TBC1D30: variants seen among roughly 807,000 people sequenced by gnomAD.
TBC1D30 encodes the protein TBC1 domain family member 30.
Under a neutral mutation model 63.2 loss-of-function variants are expected in TBC1D30, and 31 were observed. That is an observed-to-expected ratio of 0.49 (90% CI 0.37 to 0.66). TBC1D30 has a LOEUF of 0.66. TBC1D30 is among the 30% of genes least tolerant of loss of function. TBC1D30 has a pLI of 0.00. For missense variants in TBC1D30, 810 were observed against 953.6 expected (o/e 0.85, Z 1.98); for synonymous variants, 307 against 361.5 (o/e 0.85, Z 1.71).
intron 8 of TBC1D30, among the ~76,000 whole-genome samples, chr12:64,855,923 G>A (rs1210379874): frequency 6.6e-6 from 1 of 152,146 alleles, no homozygotes; most frequent in Non-Finnish European, 1.5e-5. Flanking sequence ...GCTTGTTTGT[G>A]CCTATCCTTC....
chr12:64,790,444 G>C (rs1178419773), intron 2 of TBC1D30, among the ~76,000 whole-genome samples: 1 of 152,104 alleles, frequency 6.6e-6, no homozygotes, highest in East Asian at 1.9e-4. Flanking sequence ...GCATTGTATA[G>C]TTTTGCTATT....
chr12:64,843,978 T>C (rs1429611927), intron 8 of TBC1D30, among the ~76,000 whole-genome samples: 4 of 152,058 alleles, frequency 2.6e-5, no homozygotes, highest in East Asian at 1.9e-4. Context: ...TATTTTTGTA[T>C]AGATGGAGTC....
At chr12:64,865,902 A>C (rs1455535302) in intron 9 of TBC1D30, among the ~76,000 whole-genome samples, 1 of 152,176 alleles carries the variant, frequency 6.6e-6, no homozygotes, top group Non-Finnish European at 1.5e-5. Flanking sequence ...AGCTCTGTGT[A>C]TTCTTGTGTA....
At position 64,761,651 on chromosome 12, in the gene TBC1D30, G is replaced by A. The variant is rs111682226; in HGVS notation, c.-376+2002G>A. On this transcript the variant is annotated intron_variant, in intron 1 of 13. Coordinates refer to the TBC1D30 transcript ENST00000674237. ...CAAACGCCATGGGAATGTCAGGAAG[G>A]TACCCTCTCTGGTCTAAAAAGGGGA... Among the ~76,000 whole-genome samples the A allele has an allele frequency of 1.2e-4, 19 of 152,302 alleles. 2 individuals are homozygous for A. The highest frequency in any genetic ancestry group is 4.3e-4 in the African/African-American group (18 of 41,560).
intron 10 of TBC1D30, among the ~76,000 whole-genome samples, chr12:64,868,966 T>C (rs1414180432): frequency 6.6e-6 from 1 of 152,082 alleles, no homozygotes; most frequent in Non-Finnish European, 1.5e-5. Flanking sequence ...ATCACATGCA[T>C]GTTTTATTTC....
upstream of TBC1D30, among the ~76,000 whole-genome samples, chr12:64,822,371 G>A (rs1873935750): frequency 6.6e-6 from 1 of 152,108 alleles, no homozygotes; most frequent in Non-Finnish European, 1.5e-5. Context: ...TGCAGAAACA[G>A]GGTCTTGCTA....
At chr12:64,851,511 G>T (rs1414738473) in intron 8 of TBC1D30, among the ~76,000 whole-genome samples, 1 of 152,090 alleles carries the variant, frequency 6.6e-6, no homozygotes, top group Non-Finnish European at 1.5e-5. Flanking sequence ...TTTAATTGGG[G>T]CATTTAGCCC....
At chr12:64,841,463 C>T (rs1019313572) in intron 7 of TBC1D30, among the ~76,000 whole-genome samples, 6 of 152,126 alleles carry the variant, frequency 3.9e-5, no homozygotes, top group Non-Finnish European at 1.5e-5. Flanking sequence ...ACTTGCCATG[C>T]CACCTCCAGG....
intron 5 of TBC1D30, among the ~76,000 whole-genome samples, chr12:64,835,567 A>G (rs1875272580): frequency 6.6e-6 from 1 of 152,204 alleles, no homozygotes; most frequent in South Asian, 2.1e-4. Context: ...TGGGTCAGGT[A>G]CATAGCATGC....
chr12:64,781,105 G>C, exon 1 of TBC1D30: 1 of 1,003,488 alleles, frequency 1.0e-6, no homozygotes, highest in East Asian at 1.1e-4. Flanking sequence ...AGGAGGCGGC[G>C]GGCGGGGGCC....
At chr12:64,792,877 G>A (rs1468870694) in intron 2 of TBC1D30, among the ~76,000 whole-genome samples, 1 of 152,144 alleles carries the variant, frequency 6.6e-6, no homozygotes, top group Non-Finnish European at 1.5e-5. Flanking sequence ...CCCAGCCTAG[G>A]CTAGTTATGG....
chr12:64,807,918 G>GTTTTTTTTTTTTTTT (rs774145443), intron 2 of TBC1D30, among the ~76,000 whole-genome samples: 971 of 93,424 alleles, frequency 0.01, 77 homozygotes, highest in East Asian at 0.019. Context: ...CCTAATTTAA[G>GTTTTTTTTTTTTTTT]TTTTTTTTTT....
At chr12:64,867,549 A>G (rs1322458871) in intron 10 of TBC1D30, among the ~76,000 whole-genome samples, 1 of 151,730 alleles carries the variant, frequency 6.6e-6, no homozygotes, top group South Asian at 2.1e-4. Context: ...TATGTGTTGC[A>G]TGCGTAGTAC....
At chr12:64,773,203 G>A (rs182292201) in intron 1 of TBC1D30, among the ~76,000 whole-genome samples, 67 of 152,350 alleles carry the variant, frequency 4.4e-4, no homozygotes, top group Admixed American at 4.6e-4. Context: ...CAGCACAGCT[G>A]TTCTACCAAA....
At chr12:64,803,458 C>T (rs1006051957) in intron 2 of TBC1D30, among the ~76,000 whole-genome samples, 4 of 152,188 alleles carry the variant, frequency 2.6e-5, no homozygotes, top group Non-Finnish European at 5.9e-5. Context: ...AGCCTGTTCA[C>T]TCTGATGGTA....
At chr12:64,870,002 G>A (rs892523076) in intron 10 of TBC1D30, among the ~76,000 whole-genome samples, 1 of 152,158 alleles carries the variant, frequency 6.6e-6, no homozygotes, top group Non-Finnish European at 1.5e-5. Flanking sequence ...TTATTTAAGA[G>A]ACAAATCTGC....
Position 64,879,950 on chromosome 12 carries a change from G to T in TBC1D30, c.*4162G>T, listed in dbSNP as rs893180749. 1.3e-5 allele frequency: 2 copies of T among 152,202 alleles called. No homozygotes were observed. The highest frequency in any genetic ancestry group is 6.5e-5 in the Admixed American group (1 of 15,284). The allele number at this position is 152,202 out of a possible 1,614,324, so 9.4% of individuals were successfully genotyped here. On this transcript the variant is annotated 3_prime_UTR_variant, in exon 12 of 12. Transcript: ENST00000539867. ...AAAGCTTTATGTGCAAATGTTCATT[G>T]AAGTATTAAATGTACTAATGGAAAC...
chr12:64,785,077 C>T (rs1871485394), intron 1 of TBC1D30, among the ~76,000 whole-genome samples: 1 of 151,530 alleles, frequency 6.6e-6, no homozygotes, highest in Non-Finnish European at 1.5e-5. Context: ...CATTCATCTA[C>T]ATTACAAAAT....
At chr12:64,783,412 T>G (rs560943049) in intron 1 of TBC1D30, among the ~76,000 whole-genome samples, 1 of 152,318 alleles carries the variant, frequency 6.6e-6, no homozygotes, top group East Asian at 1.9e-4. Flanking sequence ...GAGAATTACA[T>G]AAGTTAGAGT....
Sources: allele counts gnomAD v4.1 joint callset (sites outside exome capture counted in the v4.1 genomes callset), GRCh38; gene constraint gnomAD v4.1.1; transcripts MANE v1.5; gene names NCBI Gene and HGNC (gene_info 2026-07-23, HGNC 2026-07-21).